The following USP12 variants were observed in gnomAD, a reference collection of about 807,000 sequenced individuals.
The protein encoded by USP12 is ubiquitin carboxyl-terminal hydrolase 12.
In USP12, 19 loss-of-function variants were observed where a neutral mutation model predicts 45.5. That is an observed-to-expected ratio of 0.42 (90% CI 0.29 to 0.61). USP12 has a LOEUF of 0.61. USP12 is among the 20% of genes least tolerant of loss of function. The probability of loss-of-function intolerance (pLI) is 0.22; values close to 1 mark genes in which losing one functional copy is unlikely to be tolerated. For synonymous variants in USP12, 149 were observed against 148.8 expected, an observed-to-expected ratio of 1.00 and a Z score of -0.01; for missense variants, 242 against 447.7, an observed-to-expected ratio of 0.54 and a Z score of 4.15.
chr13:27,155,066 C>CTTTGT (rs1877758710), intron 1 of USP12, among the ~76,000 whole-genome samples: 1 of 57,616 alleles, frequency 1.7e-5, no homozygotes, highest in African/African-American at 8.3e-5. Flanking sequence ...ATGTCCACAA[C>CTTTGT]TTTTTTTTTT....
rs189751611 is a variant in USP12, at chr13:27,097,815, C to T, written c.344-1985G>A. On this transcript the variant is annotated intron_variant, in intron 3 of 8. Transcript: ENST00000282344. ...GCAATATCACTACATGTTGAATATC[C>T]TTTATCTAAAATGCTTGGGACCAGC... Among the ~76,000 whole-genome samples the T allele has an allele frequency of 2.0e-5, 3 of 152,232 alleles. No homozygotes were observed. In the East Asian group the frequency reaches 5.8e-4, roughly 29 times the overall value.
chr13:27,153,844 TCTTCAGA>T (rs964155186), intron 1 of USP12, among the ~76,000 whole-genome samples: 3 of 152,232 alleles, frequency 2.0e-5, no homozygotes, highest in Non-Finnish European at 4.4e-5. Flanking sequence ...CTGTTGGTTT[TCTTCAGA>T]CTTACAAGCA....
Position 27,116,311 on chromosome 13 carries a change from CAA to C in USP12, c.129+203_129+204del, listed in dbSNP as rs10549775. On this transcript the variant is annotated intron_variant, in intron 2 of 8. Transcript: ENST00000282344. The stretch of plus-strand genomic sequence containing the variant: ...TGGGCGACAGAGCAAGACGCTGTCT[CAA>C]AAAAAAAAAAAAAAAAAAAAGATGT... Among the ~76,000 whole-genome samples, 556 of 90,910 alleles carry C rather than the reference CAA, an allele frequency of 6.1e-3. 7 individuals are homozygous for C. Among genetic ancestry groups the C allele is most frequent in the African/African-American group, 0.019 (481 of 25,522 alleles). 59.6% of individuals were successfully genotyped at this position (90,910 alleles called of 152,430 possible).
At chr13:27,073,062 C>T (rs754256999) in intron 7 of USP12, among the ~76,000 whole-genome samples, 4 of 152,132 alleles carry the variant, frequency 2.6e-5, no homozygotes, top group Non-Finnish European at 5.9e-5. Context: ...ACAGGGCTAG[C>T]AATGCACGTC....
intron 6 of USP12, among the ~76,000 whole-genome samples, chr13:27,084,169 TACACACACACACAC>T (rs374948699): frequency 0.075 from 10,613 of 142,390 alleles, 778 homozygotes; most frequent in East Asian, 0.26. Flanking sequence ...CATGTTTGCA[TACACACACACACAC>T]ACACACACAC....
chr13:27,139,538 C>G (rs1876959213), intron 1 of USP12, among the ~76,000 whole-genome samples: 1 of 152,146 alleles, frequency 6.6e-6, no homozygotes, highest in South Asian at 2.1e-4. Flanking sequence ...ATCGCTTGAA[C>G]CTGGGAGGCG....
intron 1 of USP12, among the ~76,000 whole-genome samples, chr13:27,144,499 T>TAAAAA (rs56311173): frequency 8.5e-6 from 1 of 118,072 alleles, no homozygotes; most frequent in Non-Finnish European, 1.7e-5. Flanking sequence ...AGACTCTCTT[T>TAAAAA]AAAAAAAAAA....
chr13:27,151,174 C>A (rs1566004550), intron 1 of USP12, among the ~76,000 whole-genome samples: 1 of 151,664 alleles, frequency 6.6e-6, no homozygotes, highest in Non-Finnish European at 1.5e-5. Context: ...ACTAAAAATA[C>A]AAAAAAATTA....
rs1457865512 is a variant in USP12 at position 27,145,820 on chromosome 13, G to T, written c.48+25772C>A. ...AAAAGAAATGTGTCTTGGTCCCCAAGAGGTTACAAAATGGAAGAAAAGCAA... is the reference window on the plus strand; with the variant it reads ...AAAAGAAATGTGTCTTGGTCCCCAATAGGTTACAAAATGGAAGAAAAGCAA... On this transcript the variant is annotated intron_variant, in intron 1 of 8. Transcript: ENST00000282344. Among the ~76,000 whole-genome samples the T allele has an allele frequency of 3.3e-5, 5 of 152,054 alleles. No homozygotes were observed. In the South Asian group the frequency reaches 1.0e-3, roughly 32 times the overall value.
chr13:27,074,216 T>G (rs778394340), intron 7 of USP12, among the ~76,000 whole-genome samples: 4 of 151,998 alleles, frequency 2.6e-5, no homozygotes, highest in African/African-American at 9.7e-5. Context: ...CTGGCTAACA[T>G]GGTGAAACCC....
Position 27,069,016 on chromosome 13 carries a change from G to C in USP12, c.*267C>G, listed in dbSNP as rs915269600. The C allele has an allele frequency of 4.4e-6, 2 of 457,138 alleles. No individual in the cohort carries two copies. Among genetic ancestry groups the C allele is most frequent in the African/African-American group, 2.0e-5 (1 of 49,818 alleles). The allele number at this position is 457,138 out of a possible 1,614,324, so 28.3% of individuals were successfully genotyped here. A position where few individuals can be genotyped will look rare whatever the true frequency, so the allele number is the denominator to read the frequency against. ...GAAAATGCGTGCCAATGACTGGAAG[G>C]CTGTTTTAAAAGAGGAGCTGGTATC... is the stretch of plus-strand genomic sequence containing the variant. On this transcript the variant is annotated 3_prime_UTR_variant, in exon 9 of 9. Transcript: ENST00000282344.
chr13:27,165,111 T>C (rs1878294840), intron 1 of USP12, among the ~76,000 whole-genome samples: 1 of 151,952 alleles, frequency 6.6e-6, no homozygotes, highest in South Asian at 2.1e-4. Context: ...CTAAAAGTAT[T>C]AGATTGTTGC....
At chr13:27,121,869 A>T (rs1876007600) in intron 1 of USP12, among the ~76,000 whole-genome samples, 1 of 152,132 alleles carries the variant, frequency 6.6e-6, no homozygotes, top group Admixed American at 6.6e-5. Flanking sequence ...TCAAAAAAAA[A>T]AATTAAATAC....
rs1034410262 is a variant in USP12 at position 27,095,844 on chromosome 13, C to T, written c.344-14G>A. The T allele has an allele frequency of 1.3e-6, 2 of 1,551,664 alleles. No homozygotes were observed. The highest frequency in any genetic ancestry group is 1.7e-6 in the Non-Finnish European group (2 of 1,150,404). On this transcript the variant is annotated splice_polypyrimidine_tract_variant and intron_variant, in intron 3 of 8. Coordinates refer to ENST00000282344, the MANE Select transcript of USP12 (RefSeq NM_182488.4). ...TGTCAAAAAGCTCTGAAAATAAAAA[C>T]ATTATATTAGAGAATTATTTCAGAA...
chr13:27,096,805 T>G (rs7338356), intron 3 of USP12, among the ~76,000 whole-genome samples: 6,933 of 152,230 alleles, frequency 0.046, 339 homozygotes, highest in African/African-American at 0.12. Flanking sequence ...TTTAGGACAT[T>G]TTATTTTTAG....
rs187459302 is a variant in USP12, at chr13:27,128,812, T to C, written c.49-12216A>G. Among the ~76,000 whole-genome samples, 81 of 152,346 alleles carry C rather than the reference T, an allele frequency of 5.3e-4. No individual in the cohort carries two copies. In the East Asian group the frequency reaches 0.011, roughly 21 times the overall value. On this transcript the variant is annotated intron_variant, in intron 1 of 8. Coordinates refer to ENST00000282344, the MANE Select transcript of USP12 (RefSeq NM_182488.4). ...ACCTGTGTTGATGCTTTTCCACTTA[T>C]AAAAACATGAACGCTTCTATTTTTC...
intron 1 of USP12, among the ~76,000 whole-genome samples, chr13:27,122,419 T>G (rs1336175231): frequency 6.6e-6 from 1 of 152,122 alleles, no homozygotes; most frequent in Non-Finnish European, 1.5e-5. Context: ...ACTAAAACTC[T>G]TTTTCTTCAC....
intron 7 of USP12, among the ~76,000 whole-genome samples, chr13:27,074,173 G>A (rs1378759062): frequency 2.0e-5 from 3 of 152,286 alleles, no homozygotes; most frequent in South Asian, 4.2e-4. Context: ...GGCCGAGGCG[G>A]GCAGATCACG....
At chr13:27,086,193 A>ATATATATATAT (rs1333218859) in intron 6 of USP12, among the ~76,000 whole-genome samples, 96 of 66,874 alleles carry the variant, frequency 1.4e-3, no homozygotes, top group Middle Eastern at 9.4e-3. Flanking sequence ...AAAAAAAAAA[A>ATATATATATAT]AAAAATATAT....
Sources: allele counts gnomAD v4.1 joint callset (sites outside exome capture counted in the v4.1 genomes callset), GRCh38; gene constraint gnomAD v4.1.1; transcripts MANE v1.5; gene names NCBI Gene and HGNC (gene_info 2026-07-23, HGNC 2026-07-21).